Variants in MAST2 observed in about 807,000 individuals in gnomAD.
The protein encoded by MAST2 is microtubule-associated serine/threonine-protein kinase 2.
Under a neutral mutation model 147.4 loss-of-function variants are expected in MAST2, and 70 were observed. The observed-to-expected ratio is 0.47, with a 90% confidence interval of 0.39 to 0.58. The LOEUF is 0.58. MAST2 is among the 20% of genes least tolerant of loss of function. The probability of loss-of-function intolerance (pLI) is 0.00; values close to 1 mark genes in which losing one functional copy is unlikely to be tolerated. For synonymous variants in MAST2, 869 were observed against 896.8 expected, an observed-to-expected ratio of 0.97 and a Z score of 0.55; for missense variants, 2,080 against 2,302.3, an observed-to-expected ratio of 0.90 and a Z score of 1.98.
intron 5 of MAST2, among the ~76,000 whole-genome samples, chr1:45,961,630 A>C (rs1660432897): frequency 6.6e-6 from 1 of 152,192 alleles, no homozygotes; most frequent in Non-Finnish European, 1.5e-5. Flanking sequence ...AAATCACTGC[A>C]GAAAATCTAG....
In MAST2 at chr1:45,862,022, CTCT is replaced by C. The variant is rs533222950; in HGVS notation, c.469-20335_469-20333del. On this transcript the variant is annotated intron_variant, in intron 3 of 28. Transcript: ENST00000361297. ...TGATTTCCTTCCACCTCTCTGGTTA[CTCT>C]TCTTCTGTTTCCTACAGTTTAATCA... Among the ~76,000 whole-genome samples the C allele has an allele frequency of 4.6e-5, 7 of 152,342 alleles. No homozygotes were observed. In the South Asian group the frequency reaches 1.2e-3, roughly 27 times the overall value.
At chr1:45,843,122 A>AT (rs1045194523) in intron 3 of MAST2, among the ~76,000 whole-genome samples, 1 of 150,088 alleles carries the variant, frequency 6.7e-6, no homozygotes, top group Non-Finnish European at 1.5e-5. Context: ...TCCTTTGCCC[A>AT]TTTTTTTTAA....
intron 4 of MAST2, among the ~76,000 whole-genome samples, chr1:45,898,430 A>C (rs1274763803): frequency 1.3e-5 from 2 of 152,308 alleles, no homozygotes; most frequent in East Asian, 3.9e-4. Context: ...ATTGTTGGAC[A>C]TTATGGGCTG....
chr1:45,850,388 G>A (rs1392082337), intron 3 of MAST2, among the ~76,000 whole-genome samples: 1 of 152,120 alleles, frequency 6.6e-6, no homozygotes, highest in Non-Finnish European at 1.5e-5. Flanking sequence ...CTCCCATTCT[G>A]TAGGCTGTTA....
intron 1 of MAST2, among the ~76,000 whole-genome samples, chr1:45,813,581 C>T (rs1202566424): frequency 6.6e-6 from 1 of 151,538 alleles, no homozygotes; most frequent in Non-Finnish European, 1.5e-5. Flanking sequence ...TCACTGCAAC[C>T]TCTGCCTTCC....
intron 8 of MAST2, among the ~76,000 whole-genome samples, chr1:46,007,266 A>C (rs1039449813): frequency 2.6e-5 from 4 of 152,158 alleles, no homozygotes; most frequent in Non-Finnish European, 5.9e-5. Context: ...GAATCCCCTC[A>C]GGTAATGCTG....
rs373786962 is a variant in MAST2 at position 45,933,236 on chromosome 1, A to AGG, written c.501-26149_501-26148insGG. On this transcript the variant is annotated intron_variant, in intron 4 of 28. Coordinates refer to ENST00000361297, the MANE Select transcript of MAST2 (RefSeq NM_015112.3). ...AGACCCTGTCTCTTTAAAAAAAAAA[A>AGG]GCGGGGGGGTTGGGGGGGGCAAATG... Among the ~76,000 whole-genome samples the AGG allele has an allele frequency of 9.3e-4, 60 of 64,422 alleles. 1 individual carries two copies. In the South Asian group the frequency reaches 0.023, roughly 25 times the overall value. The allele number at this position is 64,422 out of a possible 152,430, so 42.3% of individuals were successfully genotyped here. A position where few individuals can be genotyped will look rare whatever the true frequency, so the allele number is the denominator to read the frequency against.
At chr1:45,942,563 A>T (rs912048627) in intron 4 of MAST2, among the ~76,000 whole-genome samples, 27 of 152,172 alleles carry the variant, frequency 1.8e-4, no homozygotes, top group African/African-American at 6.3e-4. Context: ...CAGGTTTGTT[A>T]TATAGGTAAA....
At chr1:45,936,751 C>T (rs187590437) in intron 4 of MAST2, among the ~76,000 whole-genome samples, 1 of 152,246 alleles carries the variant, frequency 6.6e-6, no homozygotes, top group Admixed American at 6.5e-5. Flanking sequence ...TCAACCCCAA[C>T]CCAGCCACAT....
At position 45,869,760 on chromosome 1, in the gene MAST2, C is replaced by T. The variant is rs186151345; in HGVS notation, c.469-12604C>T. Among the ~76,000 whole-genome samples the T allele has an allele frequency of 2.0e-5, 3 of 152,298 alleles. No individual in the cohort carries two copies. The East Asian group carries it at 5.8e-4, about 29-fold the overall frequency. ...GTGTCTTTTGCAATTGATAGTTTTT[C>T]AGATTTGATAAAGTACAGTATATTA... is the stretch of plus-strand genomic sequence containing the variant. On this transcript the variant is annotated intron_variant, in intron 3 of 28. Transcript: ENST00000361297.
At chr1:45,826,099 T>C (rs1163721724) in intron 2 of MAST2, among the ~76,000 whole-genome samples, 1 of 152,054 alleles carries the variant, frequency 6.6e-6, no homozygotes, top group African/African-American at 2.4e-5. Context: ...AAAGTAAAGT[T>C]TTCTTACCTG....
intron 1 of MAST2, among the ~76,000 whole-genome samples, chr1:45,806,039 T>G: frequency 6.6e-6 from 1 of 152,180 alleles, no homozygotes; most frequent in Non-Finnish European, 1.5e-5. Context: ...GTGGGATTAC[T>G]TTTTTATTGA....
chr1:45,989,039 T>C (rs553305114), intron 5 of MAST2, among the ~76,000 whole-genome samples: 1 of 152,298 alleles, frequency 6.6e-6, no homozygotes, highest in South Asian at 2.1e-4. Context: ...CTTTTTCTAG[T>C]CCCTCTTAGC....
chr1:46,019,737 G>A (rs777967743), intron 11 of MAST2, 40 bp downstream of exon 11: 3 of 1,549,496 alleles, frequency 1.9e-6, no homozygotes, highest in Admixed American at 3.3e-5. Context: ...CAGATTTAGA[G>A]GAGGACTATA....
intron 5 of MAST2, among the ~76,000 whole-genome samples, chr1:45,994,274 C>CTTT (rs869216588): frequency 8.2e-4 from 51 of 62,018 alleles, no homozygotes; most frequent in East Asian, 1.9e-3. Flanking sequence ...CCCTAACCCT[C>CTTT]TTTTTTTTTT....
chr1:45,860,761 G>A (rs1162480349), intron 3 of MAST2, among the ~76,000 whole-genome samples: 1 of 152,016 alleles, frequency 6.6e-6, no homozygotes, highest in East Asian at 1.9e-4. Flanking sequence ...GAACCTGGGA[G>A]GCAGAGGTTG....
At chr1:45,944,245 T>G (rs956564624) in intron 4 of MAST2, among the ~76,000 whole-genome samples, 1 of 152,232 alleles carries the variant, frequency 6.6e-6, no homozygotes, top group Non-Finnish European at 1.5e-5. Context: ...CCACCCACAT[T>G]TTAAATTTAA....
chr1:45,839,781 A>G (rs953388781), intron 3 of MAST2, among the ~76,000 whole-genome samples: 3 of 152,242 alleles, frequency 2.0e-5, no homozygotes, highest in African/African-American at 7.2e-5. Flanking sequence ...GACTTTGTAT[A>G]AAGGAACAGT....
rs67344347 is a variant in MAST2, at chr1:45,862,487, A to ATT, written c.469-19860_469-19859dup. On this transcript the variant is annotated intron_variant, in intron 3 of 28. Transcript: ENST00000361297. ...ATTTTTTAGATAGTGAGGACTGAAGATTTTTTTTTTTTTTTTTTAACCTTG... is the reference window on the plus strand; with the variant it reads ...ATTTTTTAGATAGTGAGGACTGAAGATTTTTTTTTTTTTTTTTTTTAACCTTG... 2.2e-3 allele frequency among the ~76,000 whole-genome samples: 304 copies of ATT among 136,238 alleles called. 2 individuals are homozygous for ATT. Among genetic ancestry groups the ATT allele is most frequent in the African/African-American group, 7.6e-3 (278 of 36,414 alleles). The allele number at this position is 136,238 out of a possible 152,430, so 89.4% of individuals were successfully genotyped here.
Sources: allele counts gnomAD v4.1 joint callset (sites outside exome capture counted in the v4.1 genomes callset), GRCh38; gene constraint gnomAD v4.1.1; transcripts MANE v1.5; gene names NCBI Gene and HGNC (gene_info 2026-07-23, HGNC 2026-07-21).